GPC5: variants seen among roughly 807,000 people sequenced by gnomAD.
The protein encoded by GPC5 is glypican-5.
A neutral mutation model predicts 53.9 loss-of-function variants in GPC5; 47 were observed. The ratio of observed to expected loss-of-function variants is 0.87; its 90% CI spans 0.69 to 1.11. The LOEUF is 1.11. GPC5 is among the 50% of genes most tolerant of loss of function. GPC5 has a pLI of 0.00. For synonymous variants in GPC5, 286 were observed against 263.3 expected, an observed-to-expected ratio of 1.09 and a Z score of -0.84; for missense variants, 748 against 713.1, an observed-to-expected ratio of 1.05 and a Z score of -0.56.
chr13:91,586,483 G>T (rs1475677751), intron 2 of GPC5, among the ~76,000 whole-genome samples: 1 of 107,432 alleles, frequency 9.3e-6, no homozygotes, highest in African/African-American at 3.4e-5. Flanking sequence ...AGGGGAAGGG[G>T]AATGCAAGGC....
Position 91,657,608 on chromosome 13 carries a change from A to T in GPC5, c.326-35579A>T, listed in dbSNP as rs538422603. On this transcript the variant is annotated intron_variant, in intron 2 of 7. Coordinates refer to ENST00000377067, the MANE Select transcript of GPC5 (RefSeq NM_004466.6). ...ATATTGAGAGACCCTAGATTAGGAA[A>T]AGAGAAGTAGGATTTAGACATTTTG... Among the ~76,000 whole-genome samples, 5 of 152,272 alleles carry T rather than the reference A, an allele frequency of 3.3e-5. No individual in the cohort carries two copies. In the East Asian group the frequency reaches 9.7e-4, roughly 29 times the overall value.
chr13:91,751,079 C>T (rs1440444361), intron 4 of GPC5, among the ~76,000 whole-genome samples: 1 of 152,144 alleles, frequency 6.6e-6, no homozygotes, highest in Non-Finnish European at 1.5e-5. Flanking sequence ...TACTATTTAT[C>T]AGTGCAACTG....
chr13:91,838,738 C>T (rs372459799), intron 5 of GPC5, among the ~76,000 whole-genome samples: 11 of 152,098 alleles, frequency 7.2e-5, no homozygotes, highest in African/African-American at 2.4e-4. Context: ...CGTCGCTATG[C>T]AAGGGACAGC....
intron 7 of GPC5, among the ~76,000 whole-genome samples, chr13:92,185,753 C>T (rs922065840): frequency 4.6e-5 from 7 of 152,084 alleles, no homozygotes; most frequent in African/African-American, 1.4e-4. Flanking sequence ...TGTCAATTAG[C>T]TTATGACCCT....
intron 7 of GPC5, among the ~76,000 whole-genome samples, chr13:92,312,910 G>T (rs1026471737): frequency 4.6e-5 from 7 of 152,034 alleles, no homozygotes; most frequent in African/African-American, 1.2e-4. Flanking sequence ...AATACAAATG[G>T]GTAATAAATT....
intron 7 of GPC5, among the ~76,000 whole-genome samples, chr13:92,261,051 G>A (rs1035642457): frequency 6.6e-6 from 1 of 152,080 alleles, no homozygotes; most frequent in Non-Finnish European, 1.5e-5. Flanking sequence ...AATAACATTT[G>A]TGTGACTAAA....
intron 2 of GPC5, among the ~76,000 whole-genome samples, chr13:91,494,634 C>T (rs1473015109): frequency 6.6e-6 from 1 of 152,128 alleles, no homozygotes; most frequent in Non-Finnish European, 1.5e-5. Flanking sequence ...TAGTGATCTC[C>T]ACATCGTTAA....
chr13:92,583,560 G>T (rs544927797), intron 7 of GPC5, among the ~76,000 whole-genome samples: 1 of 152,296 alleles, frequency 6.6e-6, no homozygotes, highest in East Asian at 1.9e-4. Context: ...CTGTCTCTAG[G>T]CTGGAATAGG....
chr13:92,035,307 C>T (rs990918261), intron 6 of GPC5, among the ~76,000 whole-genome samples: 1 of 152,126 alleles, frequency 6.6e-6, no homozygotes, highest in Non-Finnish European at 1.5e-5. Flanking sequence ...TTCTCAGCTC[C>T]GATTCTCCCA....
chr13:92,225,236 G>A (rs1594013305), intron 7 of GPC5, among the ~76,000 whole-genome samples: 1 of 152,066 alleles, frequency 6.6e-6, no homozygotes, highest in East Asian at 1.9e-4. Context: ...TTAATTTATG[G>A]CATTAATCGA....
intron 6 of GPC5, among the ~76,000 whole-genome samples, chr13:92,105,188 G>A (rs997633305): frequency 5.3e-5 from 8 of 151,886 alleles, no homozygotes; most frequent in African/African-American, 1.7e-4. Context: ...ACTGGTGAGG[G>A]GAATTCACAA....
At chr13:92,342,453 T>C (rs940754341) in intron 7 of GPC5, among the ~76,000 whole-genome samples, 1 of 151,914 alleles carries the variant, frequency 6.6e-6, no homozygotes, top group Non-Finnish European at 1.5e-5. Flanking sequence ...GAGTCATGAG[T>C]CCTCCGCCCT....
chr13:92,417,151 G>C (rs1459669478), intron 7 of GPC5, among the ~76,000 whole-genome samples: 1 of 152,190 alleles, frequency 6.6e-6, no homozygotes, highest in Admixed American at 6.5e-5. Flanking sequence ...AAGTCAAACT[G>C]TAATTAAGTT....
chr13:92,093,454 A>G (rs563296680), intron 6 of GPC5, among the ~76,000 whole-genome samples: 21 of 152,190 alleles, frequency 1.4e-4, no homozygotes, highest in African/African-American at 4.8e-4. Flanking sequence ...AAATACACGA[A>G]CTCACATAGT....
chr13:92,410,852 T>G (rs991336044), intron 7 of GPC5, among the ~76,000 whole-genome samples: 2 of 152,246 alleles, frequency 1.3e-5, no homozygotes, highest in Non-Finnish European at 2.9e-5. Flanking sequence ...TATAATAATT[T>G]TAAGAACTAC....
chr13:91,645,730 C>A (rs138598926), intron 2 of GPC5, among the ~76,000 whole-genome samples: 126 of 152,172 alleles, frequency 8.3e-4, no homozygotes, highest in African/African-American at 3.0e-3. Context: ...TGTGGGATGC[C>A]CACTTTGTCC....
At chr13:91,859,047 T>C (rs1226170871) in intron 5 of GPC5, among the ~76,000 whole-genome samples, 1 of 148,006 alleles carries the variant, frequency 6.8e-6, no homozygotes, top group Non-Finnish European at 1.5e-5. Flanking sequence ...TTTTTTTTTT[T>C]TTAGTGTGGC....
intron 5 of GPC5, among the ~76,000 whole-genome samples, chr13:91,822,281 A>G (rs1363238076): frequency 1.3e-5 from 2 of 152,212 alleles, no homozygotes; most frequent in Non-Finnish European, 2.9e-5. Context: ...CAGACAGACA[A>G]TGAAACCTGG....
chr13:91,918,056 T>A (rs2039677015), intron 6 of GPC5, among the ~76,000 whole-genome samples: 1 of 152,230 alleles, frequency 6.6e-6, no homozygotes, highest in Non-Finnish European at 1.5e-5. Flanking sequence ...AAAAGATGTT[T>A]AATTGACTCA....
Sources: allele counts gnomAD v4.1 joint callset (sites outside exome capture counted in the v4.1 genomes callset), GRCh38; gene constraint gnomAD v4.1.1; transcripts MANE v1.5; gene names NCBI Gene and HGNC (gene_info 2026-07-23, HGNC 2026-07-21).